Variants in SLC8A1 observed in about 807,000 individuals in gnomAD.
The protein encoded by SLC8A1 is solute carrier family 8 member A1, also known as sodium/calcium exchanger 1.
In SLC8A1, 18 loss-of-function variants were observed where a neutral mutation model predicts 68.3. The ratio of observed to expected loss-of-function variants is 0.26; its 90% confidence interval spans 0.18 to 0.39. The LOEUF (loss-of-function observed/expected upper bound fraction) is 0.39. SLC8A1 is among the 10% of genes least tolerant of loss of function. The pLI, the probability that SLC8A1 is intolerant of heterozygous loss-of-function variation, is 1.00. For missense variants in SLC8A1, 985 were observed against 1,156.7 expected, an observed-to-expected ratio of 0.85 and a Z score of 2.15; for synonymous variants, 475 against 415.5, an observed-to-expected ratio of 1.14 and a Z score of -1.74.
intron 1 of SLC8A1, among the ~76,000 whole-genome samples, chr2:40,449,087 T>C (rs1316672365): frequency 6.6e-6 from 1 of 151,552 alleles, no homozygotes; most frequent in African/African-American, 2.4e-5. Flanking sequence ...ATCTATATAC[T>C]ATCCTCCCTG....
chr2:40,244,605 A>T (rs1342525059), intron 2 of SLC8A1, among the ~76,000 whole-genome samples: 1 of 149,974 alleles, frequency 6.7e-6, no homozygotes, highest in Non-Finnish European at 1.5e-5. Flanking sequence ...AACCCCACAA[A>T]CTTTCTGACA....
intron 2 of SLC8A1, among the ~76,000 whole-genome samples, chr2:40,300,888 C>T (rs368513229): frequency 6.6e-6 from 1 of 152,122 alleles, no homozygotes. Context: ...TGATGAGTTA[C>T]CAACACATTT....
In SLC8A1 at chr2:40,463,825, TACACACACACACATACACAC is replaced by T. The variant is rs1416317807; in HGVS notation, c.-24-33541_-24-33522del. ...AGGAGGATTAAAGAGGATATATACATACACACACACACATACACACACACACACACACACACACACACACA... is the reference window on the plus strand; with the variant it reads ...AGGAGGATTAAAGAGGATATATACATACACACACACACACACACACACACA... On this transcript the variant is annotated intron_variant, in intron 1 of 7. Transcript: ENST00000402441. Among the ~76,000 whole-genome samples the T allele has an allele frequency of 4.9e-4, 53 of 108,346 alleles. No homozygotes were observed. The East Asian group carries it at 0.014, about 28-fold the overall frequency. 71.1% of individuals were successfully genotyped at this position (108,346 alleles called of 152,430 possible).
At chr2:40,118,712 C>T (rs1278655541) in intron 7 of SLC8A1, among the ~76,000 whole-genome samples, 1 of 137,694 alleles carries the variant, frequency 7.3e-6, no homozygotes, top group Non-Finnish European at 1.5e-5. Context: ...AGCTCAGGTA[C>T]AGCTGAGAAA....
chr2:40,207,509 A>G (rs896225332), intron 2 of SLC8A1, among the ~76,000 whole-genome samples: 5 of 152,104 alleles, frequency 3.3e-5, no homozygotes, highest in African/African-American at 1.2e-4. Flanking sequence ...AAAAAAAGTG[A>G]TCCAAGGTAT....
At chr2:40,490,790 A>C (rs1230397752) in intron 1 of SLC8A1, among the ~76,000 whole-genome samples, 1 of 152,144 alleles carries the variant, frequency 6.6e-6, no homozygotes, top group Non-Finnish European at 1.5e-5. Context: ...AAAAATTATA[A>C]AGTGCAGTGA....
chr2:40,333,977 G>A (rs1270007506), intron 2 of SLC8A1, among the ~76,000 whole-genome samples: 1 of 152,188 alleles, frequency 6.6e-6, no homozygotes, highest in East Asian at 1.9e-4. Context: ...GAACCTGGGT[G>A]ACAGAGGTTG....
At chr2:40,319,301 G>A (rs964954434) in intron 2 of SLC8A1, among the ~76,000 whole-genome samples, 1 of 152,058 alleles carries the variant, frequency 6.6e-6, no homozygotes, top group African/African-American at 2.4e-5. Flanking sequence ...GCTCAACACT[G>A]ACTCTCTTTA....
rs2036692397 is a variant in SLC8A1, at chr2:40,121,170, CATCCCTGCTAG to C, written c.2438-5552_2438-5542del. ...CCATGACTGTATTCTCTCTCTTGGG[CATCCCTGCTAG>C]ATCCACTTAATCAGACTCTCTGAGG... is the stretch of plus-strand genomic sequence containing the variant. On this transcript the variant is annotated intron_variant, in intron 7 of 7. Transcript: ENST00000406785. Among the ~76,000 whole-genome samples, 3 of 152,210 alleles carry C rather than the reference CATCCCTGCTAG, an allele frequency of 2.0e-5. No homozygotes were observed. The South Asian group carries it at 6.2e-4, about 32-fold the overall frequency.
intron 2 of SLC8A1, among the ~76,000 whole-genome samples, chr2:40,210,258 T>G (rs193039418): frequency 6.6e-6 from 1 of 152,278 alleles, no homozygotes; most frequent in East Asian, 1.9e-4. Flanking sequence ...GAGAAGGGTA[T>G]GAAGAGCTGC....
chr2:40,484,574 G>A (rs1704835820), intron 1 of SLC8A1, among the ~76,000 whole-genome samples: 3 of 152,156 alleles, frequency 2.0e-5, no homozygotes, highest in Non-Finnish European at 4.4e-5. Flanking sequence ...TAACGCGAGG[G>A]GCTTTGAAAT....
Position 40,443,597 on chromosome 2 carries a change from C to G in SLC8A1, c.-25+8307G>C, listed in dbSNP as rs1359295947. On this transcript the variant is annotated intron_variant, in intron 1 of 7. Coordinates refer to ENST00000406785, the Ensembl canonical transcript of SLC8A1. ...ATAATTTATACAAGACTTTTTCTCT[C>G]TGAGGTCAGAGCCATGCAACTGCAT... Among the ~76,000 whole-genome samples the G allele has an allele frequency of 3.9e-5, 6 of 152,298 alleles. No individual in the cohort carries two copies. The South Asian group carries it at 1.0e-3, about 26-fold the overall frequency.
intron 2 of SLC8A1, among the ~76,000 whole-genome samples, chr2:40,313,497 G>A (rs558742207): frequency 1.3e-5 from 2 of 151,954 alleles, no homozygotes; most frequent in African/African-American, 4.8e-5. Context: ...TAAGGTAGTC[G>A]TACCATTTTA....
At chr2:40,111,043 C>G (rs1413792381) in exon 8 of SLC8A1, 1 of 152,052 alleles carries the variant, frequency 6.6e-6, no homozygotes, top group Non-Finnish European at 1.5e-5. Context: ...AGTGAGGCCA[C>G]AGGGGAAAGG....
chr2:40,305,678 A>G (rs1432066077), intron 2 of SLC8A1, among the ~76,000 whole-genome samples: 2 of 152,188 alleles, frequency 1.3e-5, no homozygotes, highest in African/African-American at 4.8e-5. Flanking sequence ...TGTCTAATAG[A>G]AAAGACAGTT....
chr2:40,296,916 C>G (rs1180860538), intron 2 of SLC8A1, among the ~76,000 whole-genome samples: 1 of 152,178 alleles, frequency 6.6e-6, no homozygotes, highest in African/African-American at 2.4e-5. Context: ...CCACTAGAAA[C>G]TCCCTCTAGA....
intron 2 of SLC8A1, among the ~76,000 whole-genome samples, chr2:40,389,068 A>T (rs753913797): frequency 3.3e-5 from 5 of 150,158 alleles, no homozygotes; most frequent in Non-Finnish European, 5.9e-5. Context: ...GTGGCTATAT[A>T]TTTTTTGCAG....
At chr2:40,436,909 AC>A (rs1255497281) in intron 1 of SLC8A1, among the ~76,000 whole-genome samples, 1 of 152,118 alleles carries the variant, frequency 6.6e-6, no homozygotes, top group African/African-American at 2.4e-5. Context: ...TTATGCCAGA[AC>A]CACAGAGCAG....
chr2:40,333,398 A>G (rs2076628533), intron 2 of SLC8A1, among the ~76,000 whole-genome samples: 1 of 145,952 alleles, frequency 6.9e-6, no homozygotes, highest in Non-Finnish European at 1.5e-5. Flanking sequence ...AGATCGCACC[A>G]CTGCACTCCA....
Sources: gnomAD v4.1 joint callset for allele counts (sites outside exome capture counted in the v4.1 genomes callset) on GRCh38, gnomAD v4.1.1 for gene constraint, MANE v1.5 for transcripts, NCBI Gene and HGNC (gene_info 2026-07-23, HGNC 2026-07-21) for gene names.